The following EML4 variants were observed in gnomAD, a reference collection of about 807,000 sequenced individuals.
The protein encoded by EML4 is echinoderm microtubule-associated protein-like 4.
A neutral mutation model predicts 129.0 loss-of-function variants in EML4; 72 were observed. The observed-to-expected ratio is 0.56, with a 90% CI of 0.46 to 0.68. The LOEUF is 0.68. Ranked by LOEUF, EML4 falls within the 30% of genes least tolerant of loss-of-function variation. EML4 has a pLI of 0.00. For missense variants in EML4, 1,363 were observed against 1,190.6 expected, an observed-to-expected ratio of 1.14 and a Z score of -2.13; for synonymous variants, 532 against 405.0, an observed-to-expected ratio of 1.31 and a Z score of -3.77.
chr2:42,271,643 CTT>C (rs1158857857), intron 6 of EML4, among the ~76,000 whole-genome samples: 1 of 152,088 alleles, frequency 6.6e-6, no homozygotes, highest in Non-Finnish European at 1.5e-5. Context: ...ACGTTCTAAT[CTT>C]ATACGTATTT....
chr2:42,221,203 AGAG>A (rs1673569872), intron 1 of EML4, among the ~76,000 whole-genome samples: 2 of 152,060 alleles, frequency 1.3e-5, no homozygotes. Flanking sequence ...TAGCTAGAGA[AGAG>A]AAGCCAATGC....
At chr2:42,314,828 G>A (rs994298910) in intron 17 of EML4, among the ~76,000 whole-genome samples, 5 of 152,086 alleles carry the variant, frequency 3.3e-5, no homozygotes, top group Non-Finnish European at 5.9e-5. Context: ...GTCTTACCAC[G>A]CTCTTCTGAA....
intron 4 of EML4, among the ~76,000 whole-genome samples, chr2:42,261,820 C>CT (rs1409803468): frequency 6.6e-6 from 1 of 152,004 alleles, no homozygotes; most frequent in Non-Finnish European, 1.5e-5. Context: ...TTCACCTGGT[C>CT]TTTTCTATGC....
intron 1 of EML4, among the ~76,000 whole-genome samples, chr2:42,218,418 T>C (rs1196974633): frequency 6.6e-6 from 1 of 152,132 alleles, no homozygotes; most frequent in Non-Finnish European, 1.5e-5. Context: ...ATAAGTGTAA[T>C]GTGTTTGAAT....
intron 11 of EML4, chr2:42,289,316 T>G (rs1198785427): frequency 6.6e-6 from 1 of 152,222 alleles, no homozygotes; most frequent in Non-Finnish European, 1.5e-5. Context: ...TTCCTCCTAC[T>G]GGCGATTTCT....
At chr2:42,236,314 G>A (rs534580355) in intron 1 of EML4, among the ~76,000 whole-genome samples, 16 of 152,140 alleles carry the variant, frequency 1.1e-4, no homozygotes, top group African/African-American at 3.6e-4. Context: ...CAATTTACCC[G>A]TTTTACAATT....
Position 42,331,480 on chromosome 2 carries a change from T to A in EML4, c.*1273T>A. ...TACTTTAAGAGTAATTACTGACAAA[T>A]ATGTATTTCCTATATGTTTATACTT... On this transcript the variant is annotated 3_prime_UTR_variant, in exon 23 of 23. Transcript: ENST00000318522. 4.5e-6 allele frequency: 1 copy of A among 223,520 alleles called. No homozygotes were observed. The highest frequency in any genetic ancestry group is 9.0e-6 in the Non-Finnish European group (1 of 111,676). 13.8% of individuals were successfully genotyped at this position (223,520 alleles called of 1,614,324 possible). A position where few individuals can be genotyped will look rare whatever the true frequency, so the allele number is the denominator to read the frequency against.
rs753522482 is a variant in EML4, at chr2:42,245,652, A to G, written c.173A>G (p.His58Arg). ...VLRRLAISED[H>R]VASVKKSVSS... ...AGGCGTCTTGCAATCTCTGAAGATCATGTGGCCTCAGTGAAAAAATCAGTC... is the reference window on the plus strand; with the variant it reads ...AGGCGTCTTGCAATCTCTGAAGATCGTGTGGCCTCAGTGAAAAAATCAGTC... The change falls in exon 2 of 23, where the codon CAT becomes CGT. Residue 58 changes from histidine (H) to arginine (R), a missense_variant. By Grantham distance (29) the His-to-Arg change is conservative. Transcript: ENST00000318522. The G allele has an allele frequency of 6.8e-6, 11 of 1,611,896 alleles. No individual in the cohort carries two copies. The highest frequency in any genetic ancestry group is 8.5e-6 in the Non-Finnish European group (10 of 1,178,920).
chr2:42,283,893 C>G (rs910231230), intron 8 of EML4, among the ~76,000 whole-genome samples: 1 of 152,040 alleles, frequency 6.6e-6, no homozygotes, highest in Non-Finnish European at 1.5e-5. Context: ...TGTAAATATC[C>G]CTCTGATGTG....
intron 6 of EML4, among the ~76,000 whole-genome samples, chr2:42,275,496 C>G (rs891801670): frequency 1.3e-5 from 2 of 152,160 alleles, no homozygotes; most frequent in Non-Finnish European, 2.9e-5. Context: ...GGAGGTTAGA[C>G]TAGGAGAGCT....
chr2:42,303,082 G>A (rs773760097), intron 14 of EML4, 22 bp from the exon 15 acceptor site: 14 of 1,612,356 alleles, frequency 8.7e-6, no homozygotes, highest in Non-Finnish European at 1.2e-5. Context: ...TGTATATGGT[G>A]ACTTTACACT....
intron 13 of EML4, among the ~76,000 whole-genome samples, chr2:42,299,370 C>T (rs116090953): frequency 0.024 from 3,590 of 152,260 alleles, 59 homozygotes; most frequent in South Asian, 0.033. Flanking sequence ...ATCTCAGTAA[C>T]AACTTCGATA....
intron 1 of EML4, among the ~76,000 whole-genome samples, chr2:42,176,754 G>C (rs922624758): frequency 2.0e-5 from 3 of 152,036 alleles, no homozygotes; most frequent in African/African-American, 7.2e-5. Context: ...TCTTACAATT[G>C]TTATGTCTTA....
chr2:42,330,143 TAAGC>T lies in EML4; in HGVS notation c.2886_2889del (p.Ser962ArgfsTer34). On this transcript the variant is annotated frameshift_variant, in exon 23 of 23. Coordinates refer to ENST00000318522, the MANE Select transcript of EML4 (RefSeq NM_019063.5). LOFTEE classifies it high-confidence loss of function. ...CTTTATGAAGAGCCATGCAACGAGA[TAAGC>T]AAGGAGCAGGCCAAAGCCACCCTTC... 6.2e-7 allele frequency: 1 copy of T among 1,611,770 alleles called. No individual in the cohort carries two copies. Among genetic ancestry groups the T allele is most frequent in the Non-Finnish European group, 8.5e-7 (1 of 1,179,628 alleles).
chr2:42,169,707 G>A, intron 1 of EML4, 71 bp downstream of exon 1: 1 of 1,532,124 alleles, frequency 6.5e-7, no homozygotes. Context: ...ACACAGCCCA[G>A]GCCCTGCCCT....
In EML4 at chr2:42,325,493, T is replaced by C. The variant is rs2103828296; in HGVS notation, c.2181T>C (p.Leu727=). 2 of 1,579,898 alleles carry C rather than the reference T, an allele frequency of 1.3e-6. No individual in the cohort carries two copies. The highest frequency in any genetic ancestry group is 1.7e-6 in the Non-Finnish European group (2 of 1,154,410). The change falls in exon 20 of 23, where the codon CTT becomes CTC. Residue 727 remains leucine (L), a synonymous_variant. Coordinates refer to ENST00000318522, the MANE Select transcript of EML4 (RefSeq NM_019063.5). The stretch of plus-strand genomic sequence containing the variant: ...GACATTCCAGCTACATCACACACCT[T>C]GACTGGTCCCCAGACAACAAGTATA... The part of the protein sequence containing the change: ...CTGHSSYITH[L]DWSPDNKYIM...
intron 19 of EML4, among the ~76,000 whole-genome samples, chr2:42,323,771 C>A (rs1490789873): frequency 1.0e-4 from 14 of 137,558 alleles, no homozygotes; most frequent in African/African-American, 1.3e-4. Flanking sequence ...CCGTCTCTAC[C>A]AAAAAAAAAA....
At position 42,331,556 on chromosome 2, in the gene EML4, T is replaced by C. The variant is rs538909235; in HGVS notation, c.*1349T>C. The C allele has an allele frequency of 1.3e-5, 3 of 223,896 alleles. No homozygotes were observed. Among genetic ancestry groups the C allele is most frequent in the East Asian group, 6.5e-5 (1 of 15,294 alleles). 13.9% of individuals were successfully genotyped at this position (223,896 alleles called of 1,614,324 possible). On this transcript the variant is annotated 3_prime_UTR_variant, in exon 23 of 23. Coordinates refer to ENST00000318522, the MANE Select transcript of EML4 (RefSeq NM_019063.5). ...GATTTTTTAACTTGCTGCATTGTTT[T>C]GATACTTTCTATTTTTTTGGTCAAA...
chr2:42,322,014 C>T (rs1412011975), intron 19 of EML4, among the ~76,000 whole-genome samples: 4 of 152,090 alleles, frequency 2.6e-5, no homozygotes, highest in Non-Finnish European at 5.9e-5. Flanking sequence ...TTCAGATTTT[C>T]AACATATTTA....
Sources: allele counts gnomAD v4.1 joint callset (sites outside exome capture counted in the v4.1 genomes callset), GRCh38; gene constraint gnomAD v4.1.1; transcripts MANE v1.5; gene names NCBI Gene and HGNC (gene_info 2026-07-23, HGNC 2026-07-21).